CNST: variants seen among roughly 807,000 people sequenced by gnomAD.
The protein encoded by CNST is consortin.
CNST carries 39 observed loss-of-function variants against 72.4 expected under a neutral mutation model. The ratio of observed to expected loss-of-function variants is 0.54; its 90% CI spans 0.42 to 0.70. The LOEUF is 0.70. Among genes scored for constraint, CNST ranks in the 30% least tolerant of loss-of-function variants. The pLI, the probability that CNST is intolerant of heterozygous loss-of-function variation, is 0.00. For synonymous variants in CNST, 332 were observed against 320.1 expected, an observed-to-expected ratio of 1.04 and a Z score of -0.40; for missense variants, 871 against 868.5, an observed-to-expected ratio of 1.00 and a Z score of -0.04.
intron 8 of CNST, among the ~76,000 whole-genome samples, chr1:246,644,970 G>T (rs544013675): frequency 2.0e-5 from 3 of 152,314 alleles, no homozygotes; most frequent in African/African-American, 7.2e-5. Flanking sequence ...AGGTGCCTTT[G>T]TTTTCTTGCA....
rs1210228065 is a variant in CNST, at chr1:246,566,641, C to T, written c.-74C>T. 2.5e-6 allele frequency: 1 copy of T among 401,354 alleles called. No homozygotes were observed. Among genetic ancestry groups the T allele is most frequent in the African/African-American group, 2.1e-5 (1 of 48,636 alleles). The allele number at this position is 401,354 out of a possible 1,614,324, so 24.9% of individuals were successfully genotyped here. On this transcript the variant is annotated 5_prime_UTR_variant, in exon 1 of 11. Coordinates refer to ENST00000366513, the MANE Select transcript of CNST (RefSeq NM_152609.3). Reference sequence around the variant, plus strand: ...ACAGACCCGGCGCCCAGCGGTAGCCCTCCTTGCGCCTCCGATTCCCAGGTG... The same window carrying T: ...ACAGACCCGGCGCCCAGCGGTAGCCTTCCTTGCGCCTCCGATTCCCAGGTG...
At chr1:246,608,532 C>A (rs1663079919) in intron 2 of CNST, among the ~76,000 whole-genome samples, 1 of 152,098 alleles carries the variant, frequency 6.6e-6, no homozygotes, top group African/African-American at 2.4e-5. Flanking sequence ...ATGCTAAATC[C>A]CAGAAATATT....
Position 246,634,519 on chromosome 1 carries a change from G to GAATTCAGAA in CNST, c.753_761dup (p.Asn251_Glu253dup). 2.0e-5 allele frequency: 32 copies of GAATTCAGAA among 1,609,532 alleles called. No individual in the cohort carries two copies. Among genetic ancestry groups the GAATTCAGAA allele is most frequent in the Non-Finnish European group, 2.7e-5 (32 of 1,179,162 alleles). The stretch of plus-strand genomic sequence containing the variant: ...AACCACATACAGTTACGGCTCTAAG[G>GAATTCAGAA]AATTCAGAAAAGGGATTTAATGGTG... On this transcript the variant is annotated inframe_insertion, in exon 6 of 11. Coordinates refer to ENST00000366513, the MANE Select transcript of CNST (RefSeq NM_152609.3).
rs1661036822 is a variant in CNST, at chr1:246,584,899, G to C, written c.-51-6613G>C. ...TCAAGACGTGATCTCTTGTATGCCT[G>C]GTTGTTTTGGATTATATACTGAATA... is the stretch of plus-strand genomic sequence containing the variant. On this transcript the variant is annotated intron_variant, in intron 1 of 10. Coordinates refer to ENST00000366513, the MANE Select transcript of CNST (RefSeq NM_152609.3). 2.0e-5 allele frequency among the ~76,000 whole-genome samples: 3 copies of C among 152,146 alleles called. No individual in the cohort carries two copies. The South Asian group carries it at 6.2e-4, about 31-fold the overall frequency.
chr1:246,665,883 A>T lies in CNST; in HGVS notation c.2156A>T (p.Lys719Met). Residue 719 changes from lysine to methionine, a missense_variant, in exon 11 of 11, where the codon AAG (lysine) becomes ATG (methionine). By Grantham distance (95) the Lys-to-Met change is moderately conservative. Transcript: ENST00000366513. ...TTACTTCAGGGAGTGGCAGAACTGAAGCACTGGATCTACCTCTCCTAGCAG... is the reference window on the plus strand; with the variant it reads ...TTACTTCAGGGAGTGGCAGAACTGATGCACTGGATCTACCTCTCCTAGCAG... ...TKLLQGVAELKHWIYLS is the reference protein window; with the variant it reads ...TKLLQGVAELMHWIYLS 3 of 1,613,094 alleles carry T rather than the reference A, an allele frequency of 1.9e-6. No individual in the cohort carries two copies. The highest frequency in any genetic ancestry group is 2.5e-6 in the Non-Finnish European group (3 of 1,179,208).
chr1:246,566,801 C>T (rs1206834769), intron 1 of CNST, 138 bp downstream of exon 1: 3 of 397,834 alleles, frequency 7.5e-6, no homozygotes, highest in Admixed American at 4.4e-5. Context: ...TGAGGTGTAG[C>T]CCGGTCCCCT....
intron 2 of CNST, chr1:246,607,897 A>G (rs1353803289): frequency 1.3e-5 from 2 of 152,164 alleles, no homozygotes; most frequent in East Asian, 3.9e-4. Flanking sequence ...CCAGACCAAC[A>G]TGGTGAAACC....
intron 8 of CNST, 94 bp downstream of exon 8, chr1:246,642,131 TG>T (rs780246727): frequency 0.12 from 47,232 of 410,200 alleles, 6,059 homozygotes; most frequent in East Asian, 0.32. Context: ...GCAAAGGATC[TG>T]GTTTTTTTTT....
chr1:246,649,942 G>A (rs544292593), intron 9 of CNST, among the ~76,000 whole-genome samples: 1 of 151,616 alleles, frequency 6.6e-6, no homozygotes, highest in East Asian at 1.9e-4. Flanking sequence ...TGTCGTGGAT[G>A]TATCAAAGGT....
chr1:246,664,052 A>G (rs1196417028), intron 10 of CNST, among the ~76,000 whole-genome samples: 2 of 152,224 alleles, frequency 1.3e-5, no homozygotes, highest in African/African-American at 2.4e-5. Context: ...GTAAAAATAT[A>G]TGCTAATTAT....
At chr1:246,570,778 A>G (rs553450263) in intron 1 of CNST, among the ~76,000 whole-genome samples, 1 of 152,364 alleles carries the variant, frequency 6.6e-6, no homozygotes, top group African/African-American at 2.4e-5. Flanking sequence ...CTTGGTTTCT[A>G]CAAGTGAGTC....
intron 3 of CNST, among the ~76,000 whole-genome samples, chr1:246,628,994 G>A (rs1664612313): frequency 6.6e-6 from 1 of 152,218 alleles, no homozygotes; most frequent in East Asian, 1.9e-4. Flanking sequence ...CATTATGCTA[G>A]ATACATAGTC....
intron 6 of CNST, among the ~76,000 whole-genome samples, chr1:246,635,631 T>C (rs1392086952): frequency 6.6e-6 from 1 of 152,236 alleles, no homozygotes; most frequent in Non-Finnish European, 1.5e-5. Flanking sequence ...CCTGTTTTGA[T>C]AAATTGCTGG....
At chr1:246,599,136 T>G (rs1662089864) in intron 2 of CNST, among the ~76,000 whole-genome samples, 1 of 148,004 alleles carries the variant, frequency 6.8e-6, no homozygotes, top group Non-Finnish European at 1.5e-5. Context: ...AATTTCACAG[T>G]CAGAAGAGAC....
chr1:246,654,538 T>C (rs1448564029), intron 9 of CNST, among the ~76,000 whole-genome samples: 1 of 152,210 alleles, frequency 6.6e-6, no homozygotes, highest in Non-Finnish European at 1.5e-5. Context: ...CTAGCTGTAA[T>C]CTCTCTCTGT....
intron 6 of CNST, among the ~76,000 whole-genome samples, chr1:246,635,244 T>A (rs12730561): frequency 0.44 from 65,728 of 149,526 alleles, 15,427 homozygotes; most frequent in East Asian, 0.67. Context: ...TTCTTGAGAG[T>A]CGGGTTGGTA....
At chr1:246,630,173 A>G (rs1456366056) in intron 3 of CNST, among the ~76,000 whole-genome samples, 1 of 152,190 alleles carries the variant, frequency 6.6e-6, no homozygotes, top group Non-Finnish European at 1.5e-5. Flanking sequence ...GGGAGTATTG[A>G]CACCACTGAA....
chr1:246,575,192 T>C (rs1022039438), intron 1 of CNST, among the ~76,000 whole-genome samples: 3 of 151,952 alleles, frequency 2.0e-5, no homozygotes, highest in Non-Finnish European at 2.9e-5. Flanking sequence ...CGGGGTTTCA[T>C]CATGTTGGCC....
At chr1:246,636,720 A>G (rs12758590) in intron 6 of CNST, among the ~76,000 whole-genome samples, 44,275 of 152,194 alleles carry the variant, frequency 0.29, 7,153 homozygotes, top group East Asian at 0.67. Context: ...ATGTAGCCCC[A>G]TTATGACTGC....
Sources: gnomAD v4.1 joint callset for allele counts (sites outside exome capture counted in the v4.1 genomes callset) on GRCh38, gnomAD v4.1.1 for gene constraint, MANE v1.5 for transcripts, NCBI Gene and HGNC (gene_info 2026-07-23, HGNC 2026-07-21) for gene names.